MYH9: variants seen among roughly 807,000 people sequenced by gnomAD.
MYH9 encodes myosin-9.
A neutral mutation model predicts 241.9 loss-of-function variants in MYH9; 29 were observed. The ratio of observed to expected loss-of-function variants is 0.12; its 90% CI spans 0.09 to 0.16. The LOEUF (loss-of-function observed/expected upper bound fraction) is 0.16, where lower values mean the gene tolerates loss of function less well. Ranked by LOEUF, MYH9 falls within the 10% of genes least tolerant of loss-of-function variation. MYH9 has a pLI of 1.00. For missense variants in MYH9, 1,803 were observed against 2,595.5 expected (o/e 0.69, Z 6.63); for synonymous variants, 1,047 against 1,062.6 (o/e 0.99, Z 0.29).
At chr22:36,343,518 A>G (rs1022238720) in intron 2 of MYH9, among the ~76,000 whole-genome samples, 15 of 150,216 alleles carry the variant, frequency 1.0e-4, no homozygotes, top group African/African-American at 3.2e-4. Flanking sequence ...ACTGTGCTCC[A>G]GCCTGGGTGA....
intron 1 of MYH9, among the ~76,000 whole-genome samples, chr22:36,352,283 C>T (rs2017777574): frequency 6.6e-6 from 1 of 152,228 alleles, no homozygotes; most frequent in African/African-American, 2.4e-5. Context: ...CTGAGTGAGC[C>T]TTCCCAGTGT....
chr22:36,307,889 A>C (rs1185172438), intron 15 of MYH9, among the ~76,000 whole-genome samples: 1 of 141,656 alleles, frequency 7.1e-6, no homozygotes, highest in African/African-American at 2.6e-5. Flanking sequence ...ACTCTGTCTC[A>C]AAAAAAAAAA....
intron 1 of MYH9, among the ~76,000 whole-genome samples, chr22:36,381,842 C>G (rs1457504311): frequency 6.6e-6 from 1 of 152,164 alleles, no homozygotes. Context: ...AACTTGTTTC[C>G]TGTCATCTTC....
At chr22:36,371,333 G>A (rs1307414926) in intron 1 of MYH9, among the ~76,000 whole-genome samples, 2 of 152,146 alleles carry the variant, frequency 1.3e-5, no homozygotes, top group African/African-American at 2.4e-5. Context: ...GACACCAGGC[G>A]TGTGCGTGCA....
chr22:36,338,637 G>C (rs1258701976), intron 3 of MYH9, among the ~76,000 whole-genome samples: 1 of 151,906 alleles, frequency 6.6e-6, no homozygotes, highest in African/African-American at 2.4e-5. Context: ...GACCAACATG[G>C]TGAAACCCCG....
chr22:36,293,516 G>A lies in MYH9; in HGVS notation c.3943-35C>T. 1 of 1,609,910 alleles carries A rather than the reference G, an allele frequency of 6.2e-7. No homozygotes were observed. The highest frequency in any genetic ancestry group is 8.5e-7 in the Non-Finnish European group (1 of 1,179,966). ...GGTTGAGAGGGGTGCGGGTGCTTAG[G>A]AGGGTGGTGTCCAAAACCCAGGAAC... On this transcript the variant is annotated intron_variant, in intron 29 of 40. Transcript: ENST00000216181. This position sits in a 1 kb window ranked among gnomAD's most constrained non-coding sequence, Gnocchi z 5.1.
intron 14 of MYH9, 100 bp from the exon 15 acceptor site, chr22:36,309,496 G>A: frequency 1.2e-6 from 1 of 844,710 alleles, no homozygotes; most frequent in Admixed American, 1.9e-5. Context: ...GGAAAAGTCA[G>A]AAAACGTGAA....
intron 1 of MYH9, among the ~76,000 whole-genome samples, chr22:36,385,635 C>T (rs6000268): frequency 0.054 from 8,241 of 152,174 alleles, 627 homozygotes; most frequent in African/African-American, 0.15. Context: ...AGATGAACAG[C>T]CTCACCGAAT....
chr22:36,285,571 C>T lies in MYH9; in HGVS notation c.5274+87G>A. On this transcript the variant is annotated intron_variant, in intron 37 of 40. Transcript: ENST00000216181. This position sits in a 1 kb window ranked among gnomAD's most constrained non-coding sequence, Gnocchi z 7.0. ...CGCCTGGGGAGCAGCTGGCACTTGG[C>T]CTGTGCTTCTGCCGGCTGGGTCCAA... The T allele has an allele frequency of 1.9e-6, 3 of 1,588,398 alleles. No individual in the cohort carries two copies. The highest frequency in any genetic ancestry group is 2.3e-5 in the East Asian group (1 of 44,308).
At chr22:36,371,688 C>G (rs2018092192) in intron 1 of MYH9, among the ~76,000 whole-genome samples, 1 of 152,146 alleles carries the variant, frequency 6.6e-6, no homozygotes, top group African/African-American at 2.4e-5. Flanking sequence ...AGGTGCCCAC[C>G]ACCATGCCTG....
intron 12 of MYH9, among the ~76,000 whole-genome samples, chr22:36,316,035 CTTT>C (rs144026849): frequency 8.5e-6 from 1 of 116,980 alleles, no homozygotes; most frequent in Non-Finnish European, 1.7e-5. Context: ...GAGACCCTGA[CTTT>C]TTTTTTTTTT....
chr22:36,374,503 G>A (rs1007621203), intron 1 of MYH9, among the ~76,000 whole-genome samples: 1 of 152,248 alleles, frequency 6.6e-6, no homozygotes, highest in Non-Finnish European at 1.5e-5. Flanking sequence ...CTGGGCGACA[G>A]AGTGAGACTC....
rs1315876049 is a variant in MYH9 at position 36,286,756 on chromosome 22, GCTT to G, written c.5020_5022del (p.Lys1674del). 2 of 1,613,220 alleles carry G rather than the reference GCTT, an allele frequency of 1.2e-6. No homozygotes were observed. Among genetic ancestry groups the G allele is most frequent in the Non-Finnish European group, 8.5e-7 (1 of 1,180,038 alleles). On this transcript the variant is annotated inframe_deletion, in exon 35 of 41. Coordinates refer to ENST00000216181, the MANE Select transcript of MYH9 (RefSeq NM_002473.6). ...ATCATCTCGGCCTCCATGCTCTTCA[GCTT>G]CTTCTCGTTCTCTTTGGCCTGGGCC...
At chr22:36,366,240 C>T (rs2018008102) in intron 1 of MYH9, among the ~76,000 whole-genome samples, 1 of 151,922 alleles carries the variant, frequency 6.6e-6, no homozygotes, top group South Asian at 2.1e-4. Flanking sequence ...ACTTCACGAC[C>T]CACCGATGAA....
At position 36,295,763 on chromosome 22, in the gene MYH9, C is replaced by T; in HGVS notation, c.3273-46G>A. 1 of 1,563,438 alleles carries T rather than the reference C, an allele frequency of 6.4e-7. No homozygotes were observed. Among genetic ancestry groups the T allele is most frequent in the Non-Finnish European group, 8.7e-7 (1 of 1,146,064 alleles). Reference sequence around the variant, plus strand: ...ATCAGTATAAGGAGAGTTTCACCTCCAAGGAGCAGAGTTTGCAGGACAGGC... The same window carrying T: ...ATCAGTATAAGGAGAGTTTCACCTCTAAGGAGCAGAGTTTGCAGGACAGGC... On this transcript the variant is annotated intron_variant, in intron 25 of 40. Transcript: ENST00000216181. The surrounding 1 kb of genome is among the most constrained non-coding windows in gnomAD (Gnocchi z 4.1).
At chr22:36,327,526 T>C in intron 3 of MYH9, 38 bp from the exon 4 acceptor site, 1 of 1,613,406 alleles carries the variant, frequency 6.2e-7, no homozygotes, top group South Asian at 1.1e-5. Flanking sequence ...TCCCGCCAGA[T>C]GCAAAAGCCT....
At chr22:36,283,728 C>T (rs2016531733) in intron 40 of MYH9, among the ~76,000 whole-genome samples, 1 of 152,134 alleles carries the variant, frequency 6.6e-6, no homozygotes, top group Admixed American at 6.5e-5. Context: ...GTTAACACTC[C>T]CTGAGAAACG....
rs952934889 is a variant in MYH9 at position 36,295,461 on chromosome 22, C to T, written c.3485+44G>A. The T allele has an allele frequency of 1.9e-5, 30 of 1,563,376 alleles. No individual in the cohort carries two copies. In the African/African-American group the frequency reaches 3.7e-4, roughly 19 times the overall value. On this transcript the variant is annotated intron_variant, in intron 26 of 40. Coordinates refer to ENST00000216181, the MANE Select transcript of MYH9 (RefSeq NM_002473.6). This position sits in a 1 kb window ranked among gnomAD's most constrained non-coding sequence, Gnocchi z 4.1. ...TCCATGTCTCCAAGCCAAGGCCCCC[C>T]TGGCTGCCCTCCCCATCCCGAGGGA...
chr22:36,322,592 G>A lies in MYH9; in HGVS notation c.613-71C>T. On this transcript the variant is annotated intron_variant, in intron 5 of 40. Coordinates refer to ENST00000216181, the MANE Select transcript of MYH9 (RefSeq NM_002473.6). ...GCTGCCGAGCCTGCCCTGCCTGGAA[G>A]GGGGACGATGGCAGAGCCGTGTCAG... 2.8e-6 allele frequency: 4 copies of A among 1,445,884 alleles called. No homozygotes were observed. In the South Asian group the frequency reaches 3.4e-5, roughly 12 times the overall value. 89.6% of individuals were successfully genotyped at this position (1,445,884 alleles called of 1,614,324 possible).
Sources: gnomAD v4.1 joint callset for allele counts (sites outside exome capture counted in the v4.1 genomes callset) on GRCh38, gnomAD v4.1.1 for gene constraint, Gnocchi (gnomAD v3.1) non-coding constraint, MANE v1.5 for transcripts, NCBI Gene and HGNC (gene_info 2026-07-23, HGNC 2026-07-21) for gene names.